The following LRFN5 variants were observed in gnomAD, a reference collection of about 807,000 sequenced individuals.
The protein encoded by LRFN5 is leucine-rich repeat and fibronectin type-III domain-containing protein 5.
Under a neutral mutation model 45.6 loss-of-function variants are expected in LRFN5, and 24 were observed. The ratio of observed to expected loss-of-function variants is 0.53; its 90% CI spans 0.38 to 0.74. The LOEUF (loss-of-function observed/expected upper bound fraction) is 0.74, where lower values mean the gene tolerates loss of function less well. Ranked by LOEUF, LRFN5 falls within the 30% of genes least tolerant of loss-of-function variation. The pLI, the probability that LRFN5 is intolerant of heterozygous loss-of-function variation, is 0.00. For missense variants in LRFN5, 776 were observed against 861.5 expected, an observed-to-expected ratio of 0.90 and a Z score of 1.24; for synonymous variants, 340 against 313.8, an observed-to-expected ratio of 1.08 and a Z score of -0.88.
chr14:41,654,054 T>TG (rs947823764), intron 1 of LRFN5, among the ~76,000 whole-genome samples: 8 of 151,060 alleles, frequency 5.3e-5, no homozygotes, highest in Non-Finnish European at 1.0e-4. Context: ...GTCGTGGGGT[T>TG]GGGGGAAGGG....
intron 1 of LRFN5, among the ~76,000 whole-genome samples, chr14:41,659,016 C>T (rs965711080): frequency 6.6e-6 from 1 of 151,810 alleles, no homozygotes; most frequent in African/African-American, 2.4e-5. Context: ...TCTTTTGGCT[C>T]TATTACAACC....
chr14:41,904,058 G>C (rs1271757112), intron 5 of LRFN5, 100 bp from the exon 6 acceptor site: 1 of 1,020,444 alleles, frequency 9.8e-7, no homozygotes, highest in African/African-American at 1.6e-5. Context: ...CTTACATTTA[G>C]TTACTTTTAG....
chr14:41,761,758 A>T (rs1885680168), intron 1 of LRFN5, among the ~76,000 whole-genome samples: 1 of 152,144 alleles, frequency 6.6e-6, no homozygotes, highest in African/African-American at 2.4e-5. Context: ...TTAAATTGTG[A>T]AGTCATTATT....
At chr14:41,725,468 A>G (rs1453856462) in intron 1 of LRFN5, among the ~76,000 whole-genome samples, 3 of 152,186 alleles carry the variant, frequency 2.0e-5, no homozygotes, top group Non-Finnish European at 4.4e-5. Context: ...TCTAACCCTT[A>G]CTGGCTATTG....
chr14:41,734,008 T>TA (rs1247331143), intron 1 of LRFN5, among the ~76,000 whole-genome samples: 1 of 139,408 alleles, frequency 7.2e-6, no homozygotes, highest in Non-Finnish European at 1.5e-5. Context: ...TATATATATA[T>TA]TTTTTCTTTT....
chr14:41,666,571 C>G (rs1053094171), intron 1 of LRFN5, among the ~76,000 whole-genome samples: 1 of 152,012 alleles, frequency 6.6e-6, no homozygotes. Context: ...AGGAAGCATG[C>G]ACATTTATGT....
chr14:41,739,190 A>G (rs1018327780), intron 1 of LRFN5, among the ~76,000 whole-genome samples: 2 of 152,138 alleles, frequency 1.3e-5, no homozygotes, highest in Non-Finnish European at 2.9e-5. Context: ...GTCTGAGGCA[A>G]GCCTGGGCAA....
At chr14:41,711,979 T>G (rs1405309996) in intron 1 of LRFN5, among the ~76,000 whole-genome samples, 2 of 152,152 alleles carry the variant, frequency 1.3e-5, no homozygotes, top group Non-Finnish European at 2.9e-5. Context: ...AAATGACACT[T>G]CATTAAATGA....
At chr14:41,895,608 G>C (rs1333742168) in intron 4 of LRFN5, among the ~76,000 whole-genome samples, 2 of 151,860 alleles carry the variant, frequency 1.3e-5, no homozygotes, top group Non-Finnish European at 2.9e-5. Flanking sequence ...CTGGGTGACA[G>C]AGAGAGACTC....
At chr14:41,769,202 T>G (rs182547705) in intron 2 of LRFN5, among the ~76,000 whole-genome samples, 1 of 152,234 alleles carries the variant, frequency 6.6e-6, no homozygotes, top group South Asian at 2.1e-4. Flanking sequence ...TACCAGAAAC[T>G]TTCTTAGAGT....
intron 1 of LRFN5, among the ~76,000 whole-genome samples, chr14:41,705,599 A>G (rs564589564): frequency 6.6e-6 from 1 of 152,238 alleles, no homozygotes; most frequent in South Asian, 2.1e-4. Flanking sequence ...AGGGTAATAC[A>G]CTTTTCTTTT....
At chr14:41,839,065 A>C (rs1284530650) in intron 2 of LRFN5, among the ~76,000 whole-genome samples, 2 of 152,222 alleles carry the variant, frequency 1.3e-5, no homozygotes, top group Admixed American at 6.6e-5. Flanking sequence ...TCTCCTCTCA[A>C]GGTCTTTGGT....
At chr14:41,759,484 CACACACACACACACAG>C (rs57297451) in intron 1 of LRFN5, among the ~76,000 whole-genome samples, 1,219 of 74,536 alleles carry the variant, frequency 0.016, 30 homozygotes, top group African/African-American at 0.058. Context: ...CACACACACA[CACACACACACACACAG>C]AGAGAGCACC....
intron 2 of LRFN5, among the ~76,000 whole-genome samples, chr14:41,792,660 C>A (rs1886968738): frequency 6.6e-6 from 1 of 151,980 alleles, no homozygotes; most frequent in South Asian, 2.1e-4. Context: ...TTTGCCTGAC[C>A]CCGCAGGCAG....
At chr14:41,733,914 G>A (rs2138800427) in intron 1 of LRFN5, among the ~76,000 whole-genome samples, 1 of 150,234 alleles carries the variant, frequency 6.7e-6, no homozygotes, top group East Asian at 2.0e-4. Context: ...GTATTCTGTT[G>A]TTATTGTATT....
chr14:41,649,959 AT>A (rs1411589253), intron 1 of LRFN5, among the ~76,000 whole-genome samples: 1 of 152,282 alleles, frequency 6.6e-6, no homozygotes, highest in Non-Finnish European at 1.5e-5. Context: ...GAATATATGT[AT>A]TTTTAACATT....
At chr14:41,790,751 C>T (rs1006591666) in intron 2 of LRFN5, among the ~76,000 whole-genome samples, 5 of 130,088 alleles carry the variant, frequency 3.8e-5, no homozygotes, top group African/African-American at 1.5e-4. Flanking sequence ...AAACTTAATT[C>T]ATTTTGGTAG....
At chr14:41,895,303 C>A (rs761604270) in intron 4 of LRFN5, among the ~76,000 whole-genome samples, 15 of 152,022 alleles carry the variant, frequency 9.9e-5, no homozygotes, top group Non-Finnish European at 2.1e-4. Flanking sequence ...TATATAAATA[C>A]ATAAAAAGAT....
intron 2 of LRFN5, among the ~76,000 whole-genome samples, chr14:41,812,810 A>G (rs1352311831): frequency 3.3e-5 from 5 of 152,116 alleles, no homozygotes; most frequent in Admixed American, 3.3e-4. Context: ...TTTAGTATAG[A>G]CCAAAATTAT....
Sources: allele counts gnomAD v4.1 joint callset (sites outside exome capture counted in the v4.1 genomes callset), GRCh38; gene constraint gnomAD v4.1.1; transcripts MANE v1.5; gene names NCBI Gene and HGNC (gene_info 2026-07-23, HGNC 2026-07-21).